The following HACD1 variants were observed in gnomAD, a reference collection of about 807,000 sequenced individuals.
HACD1 encodes the protein very-long-chain (3R)-3-hydroxyacyl-CoA dehydratase 1.
In HACD1, 41 loss-of-function variants were observed where a neutral mutation model predicts 32.0. The ratio of observed to expected loss-of-function variants is 1.28; its 90% CI spans 1.00 to 1.66. HACD1 has a LOEUF of 1.66. Ranked by LOEUF, HACD1 falls within the 40% of genes most tolerant of loss-of-function variation. HACD1 has a pLI of 0.00. For synonymous variants in HACD1, 142 were observed against 139.0 expected (o/e 1.02, Z -0.15); for missense variants, 396 against 380.1 (o/e 1.04, Z -0.35).
At chr10:17,615,288 G>T (rs1200863831) in intron 1 of HACD1, among the ~76,000 whole-genome samples, 1 of 152,226 alleles carries the variant, frequency 6.6e-6, no homozygotes, top group African/African-American at 2.4e-5. Flanking sequence ...TCTTGGGCAA[G>T]TATCTGTGCC....
chr10:17,612,105 CAAA>C (rs34058469), intron 1 of HACD1, among the ~76,000 whole-genome samples: 151 of 105,100 alleles, frequency 1.4e-3, no homozygotes, highest in African/African-American at 3.1e-3. Flanking sequence ...AACTCCATCT[CAAA>C]AAAAAAAAAA....
chr10:17,597,791 T>C (rs1834013706), intron 5 of HACD1, among the ~76,000 whole-genome samples: 1 of 152,178 alleles, frequency 6.6e-6, no homozygotes, highest in African/African-American at 2.4e-5. Context: ...GGTAAACACA[T>C]TTTCATGTAC....
At chr10:17,604,667 T>C (rs962598538) in intron 1 of HACD1, among the ~76,000 whole-genome samples, 1 of 152,152 alleles carries the variant, frequency 6.6e-6, no homozygotes, top group Non-Finnish European at 1.5e-5. Flanking sequence ...AAATTTCTTT[T>C]TTTGCATTAT....
chr10:17,602,280 G>A (rs1264074562), intron 4 of HACD1, among the ~76,000 whole-genome samples: 1 of 152,056 alleles, frequency 6.6e-6, no homozygotes, highest in Non-Finnish European at 1.5e-5. Flanking sequence ...ACGTTAGCCA[G>A]GCTGGTCGCG....
At chr10:17,607,927 T>C (rs1387660616) in intron 1 of HACD1, among the ~76,000 whole-genome samples, 3 of 152,236 alleles carry the variant, frequency 2.0e-5, no homozygotes, top group African/African-American at 7.2e-5. Flanking sequence ...TATATTGAAC[T>C]AGTTTTGAAC....
intron 5 of HACD1, 179 bp downstream of exon 5, chr10:17,599,111 A>G (rs1041894761): frequency 3.4e-5 from 39 of 1,132,456 alleles, no homozygotes; most frequent in African/African-American, 2.9e-4. Flanking sequence ...TTCCTCTCTC[A>G]TCATTAAGCT....
intron 1 of HACD1, among the ~76,000 whole-genome samples, chr10:17,604,259 G>A (rs966925700): frequency 1.3e-5 from 2 of 152,150 alleles, no homozygotes; most frequent in Non-Finnish European, 2.9e-5. Context: ...GCCAAGACGG[G>A]CGGATCACGA....
chr10:17,603,241 C>G, intron 4 of HACD1: 1 of 212,978 alleles, frequency 4.7e-6, no homozygotes, highest in Non-Finnish European at 9.4e-6. Context: ...AAGAGGACAA[C>G]TTGGATTGAA....
chr10:17,616,947 G>GCACCTGGGGGACGTGGGAGACA, intron 1 of HACD1, 136 bp downstream of exon 1: 1 of 1,001,958 alleles, frequency 1.0e-6, no homozygotes, highest in South Asian at 4.2e-5. Context: ...CGGTGGCCGC[G>GCACCTGGGGGACGTGGGAGACA]GCGACAGCTC....
intron 6 of HACD1, among the ~76,000 whole-genome samples, chr10:17,592,087 T>C (rs1937351): frequency 0.21 from 32,106 of 149,968 alleles, 3,977 homozygotes; most frequent in East Asian, 0.46. Context: ...GTTTCAGTGA[T>C]TTTCCTGCAT....
chr10:17,612,696 G>A (rs374605143), intron 1 of HACD1, among the ~76,000 whole-genome samples: 16 of 152,074 alleles, frequency 1.1e-4, no homozygotes, highest in Non-Finnish European at 1.8e-4. Flanking sequence ...CGAGGCGGGC[G>A]GATCACGATG....
At chr10:17,599,144 G>C in intron 5 of HACD1, 146 bp downstream of exon 5, 5 of 1,302,872 alleles carry the variant, frequency 3.8e-6, no homozygotes, top group Non-Finnish European at 5.0e-6. Flanking sequence ...ATCATAACTT[G>C]TATAATTATT....
Position 17,603,507 on chromosome 10 carries a change from G to T in HACD1, c.483+53C>A, listed in dbSNP as rs1420637213. ...AAATGTTAATATTTTAGATTCCTAT[G>T]AATGGAAAGCTTTCCTGCAGGCTCA... On this transcript the variant is annotated intron_variant, in intron 4 of 6. Transcript: ENST00000361271. 3.5e-6 allele frequency: 5 copies of T among 1,434,032 alleles called. No individual in the cohort carries two copies. In the East Asian group the frequency reaches 9.1e-5, roughly 26 times the overall value. The allele number at this position is 1,434,032 out of a possible 1,614,324, so 88.8% of individuals were successfully genotyped here.
At chr10:17,595,403 C>T (rs1280290678) in intron 5 of HACD1, among the ~76,000 whole-genome samples, 1 of 152,062 alleles carries the variant, frequency 6.6e-6, no homozygotes, top group African/African-American at 2.4e-5. Flanking sequence ...GATAATACCA[C>T]CTGAAGCATG....
intron 6 of HACD1, among the ~76,000 whole-genome samples, chr10:17,591,232 C>T (rs1266863239): frequency 7.0e-6 from 1 of 142,602 alleles, no homozygotes; most frequent in Admixed American, 7.5e-5. Context: ...CCCTCACAAA[C>T]AGCTGCCCCC....
chr10:17,614,501 C>A (rs1435329160), intron 1 of HACD1, among the ~76,000 whole-genome samples: 1 of 151,960 alleles, frequency 6.6e-6, no homozygotes, highest in Non-Finnish European at 1.5e-5. Flanking sequence ...CCTCAGCCTC[C>A]CAAAGTGCTG....
At chr10:17,606,180 A>G (rs1554817039) in intron 1 of HACD1, among the ~76,000 whole-genome samples, 2 of 152,144 alleles carry the variant, frequency 1.3e-5, no homozygotes, top group Non-Finnish European at 2.9e-5. Context: ...AAAAAAAACA[A>G]GAGAGAGAGA....
chr10:17,617,353 G>C lies in HACD1; in HGVS notation c.-14C>G, dbSNP rs1442679539. The C allele has an allele frequency of 1.5e-6, 2 of 1,355,444 alleles. No homozygotes were observed. The highest frequency in any genetic ancestry group is 1.9e-6 in the Non-Finnish European group (2 of 1,060,068). 84.0% of individuals were successfully genotyped at this position (1,355,444 alleles called of 1,614,324 possible). On this transcript the variant is annotated 5_prime_UTR_variant, in exon 1 of 7. Coordinates refer to ENST00000361271, the MANE Select transcript of HACD1 (RefSeq NM_014241.4). ...CAGGCGCCCCATGTGCAGCGCGCAGGGGGCTCGGCGCAGCCAGCTCTACCG... is the reference window on the plus strand; with the variant it reads ...CAGGCGCCCCATGTGCAGCGCGCAGCGGGCTCGGCGCAGCCAGCTCTACCG...
At chr10:17,602,171 G>C (rs1452123745) in intron 4 of HACD1, among the ~76,000 whole-genome samples, 1 of 151,394 alleles carries the variant, frequency 6.6e-6, no homozygotes, top group African/African-American at 2.4e-5. Context: ...CCAGGTTCAA[G>C]CAATTCTCCT....
Sources: allele counts gnomAD v4.1 joint callset (sites outside exome capture counted in the v4.1 genomes callset), GRCh38; gene constraint gnomAD v4.1.1; transcripts MANE v1.5; gene names NCBI Gene and HGNC (gene_info 2026-07-23, HGNC 2026-07-21).